Variants in GALNT2 observed in about 807,000 individuals in gnomAD.
GALNT2 encodes polypeptide N-acetylgalactosaminyltransferase 2, also known as UDP-GalNAc:polypeptide N-acetylgalactosaminyltransferase 2.
In GALNT2, 31 loss-of-function variants were observed where a neutral mutation model predicts 81.4. The observed-to-expected ratio is 0.38, with a 90% CI of 0.29 to 0.51. The LOEUF (loss-of-function observed/expected upper bound fraction) is 0.51, where lower values mean the gene tolerates loss of function less well. Ranked by LOEUF, GALNT2 falls within the 20% of genes least tolerant of loss-of-function variation. The pLI, the probability that GALNT2 is intolerant of heterozygous loss-of-function variation, is 0.87. For missense variants in GALNT2, 629 were observed against 765.7 expected, an observed-to-expected ratio of 0.82 and a Z score of 2.11; for synonymous variants, 303 against 287.4, an observed-to-expected ratio of 1.05 and a Z score of -0.55.
Position 230,093,249 on chromosome 1 carries a change from C to T in GALNT2, c.126+25843C>T, listed in dbSNP as rs1660146966. 2.0e-5 allele frequency among the ~76,000 whole-genome samples: 3 copies of T among 152,300 alleles called. No homozygotes were observed. The South Asian group carries it at 6.2e-4, about 32-fold the overall frequency. ...TGAGAGAGAGAAACATTTTCTTAGCCTTCAAGCTTGATAAGAATCTAGTGG... is the reference window on the plus strand; with the variant it reads ...TGAGAGAGAGAAACATTTTCTTAGCTTTCAAGCTTGATAAGAATCTAGTGG... On this transcript the variant is annotated intron_variant, in intron 1 of 15. Transcript: ENST00000366672.
intron 1 of GALNT2, among the ~76,000 whole-genome samples, chr1:230,154,522 A>G (rs1419281162): frequency 1.3e-5 from 2 of 152,226 alleles, no homozygotes; most frequent in Non-Finnish European, 2.9e-5. Context: ...CCTAACCCCC[A>G]GGACCTCAGA....
At chr1:230,169,199 T>G (rs2102855402) in intron 1 of GALNT2, among the ~76,000 whole-genome samples, 1 of 152,324 alleles carries the variant, frequency 6.6e-6, no homozygotes, top group South Asian at 2.1e-4. Flanking sequence ...GAATAGTAAC[T>G]GGAAGAGGAG....
intron 2 of GALNT2, among the ~76,000 whole-genome samples, chr1:230,187,844 C>T (rs1663384199): frequency 6.6e-6 from 1 of 151,986 alleles, no homozygotes; most frequent in Non-Finnish European, 1.5e-5. Flanking sequence ...TCAAGCTGTC[C>T]CTCTGAAATC....
At chr1:230,215,313 C>T (rs1452717394) in intron 3 of GALNT2, among the ~76,000 whole-genome samples, 1 of 152,216 alleles carries the variant, frequency 6.6e-6, no homozygotes, top group African/African-American at 2.4e-5. Context: ...TCGGCTCAGT[C>T]GGCCGTTTGG....
upstream of GALNT2, among the ~76,000 whole-genome samples, chr1:230,064,921 G>A (rs1183986357): frequency 6.6e-6 from 1 of 152,148 alleles, no homozygotes; most frequent in Non-Finnish European, 1.5e-5. Flanking sequence ...TAAGCAATTT[G>A]ATCTTTTTTG....
intron 6 of GALNT2, among the ~76,000 whole-genome samples, chr1:230,240,420 C>T (rs968772985): frequency 3.3e-5 from 5 of 152,260 alleles, no homozygotes; most frequent in East Asian, 3.9e-4. Context: ...GGTGAAACCC[C>T]GTCTTTACTA....
intron 6 of GALNT2, among the ~76,000 whole-genome samples, chr1:230,237,440 T>A (rs1665065554): frequency 6.6e-6 from 1 of 152,206 alleles, no homozygotes; most frequent in Admixed American, 6.5e-5. Flanking sequence ...TTGGAACCCA[T>A]GCCACATTTG....
At chr1:230,136,540 GAGCCAC>G (rs1661549398) in intron 1 of GALNT2, among the ~76,000 whole-genome samples, 1 of 152,154 alleles carries the variant, frequency 6.6e-6, no homozygotes, top group Non-Finnish European at 1.5e-5. Flanking sequence ...CCCCCATCCA[GAGCCAC>G]AGCCTGCCCT....
At position 230,164,031 on chromosome 1, in the gene GALNT2, G is replaced by C. The variant is rs1039485939; in HGVS notation, c.127-14187G>C. Among the ~76,000 whole-genome samples, 38 of 152,072 alleles carry C rather than the reference G, an allele frequency of 2.5e-4. 1 individual carries two copies. On this transcript the variant is annotated intron_variant, in intron 1 of 15. Coordinates refer to ENST00000366672, the MANE Select transcript of GALNT2 (RefSeq NM_004481.5). ...CTCTTGACTTTGTTTTTTTTGGGAGGGTCTCAGTTTTGTCATCTTTTTTTT... is the reference window on the plus strand; with the variant it reads ...CTCTTGACTTTGTTTTTTTTGGGAGCGTCTCAGTTTTGTCATCTTTTTTTT...
At chr1:230,270,259 G>C (rs902257860) in intron 14 of GALNT2, among the ~76,000 whole-genome samples, 7 of 152,142 alleles carry the variant, frequency 4.6e-5, no homozygotes, top group African/African-American at 9.7e-5. Flanking sequence ...TTTTCTAGTG[G>C]AAAGATGAAC....
At chr1:230,066,970 G>A (rs949970007), upstream of GALNT2, among the ~76,000 whole-genome samples, 22 of 149,658 alleles carry the variant, frequency 1.5e-4, no homozygotes, top group Non-Finnish European at 2.5e-4. Context: ...TGGAGACGCG[G>A]CAGTCCCCTC....
At chr1:230,244,847 G>A (rs1490572997) in intron 7 of GALNT2, among the ~76,000 whole-genome samples, 1 of 151,918 alleles carries the variant, frequency 6.6e-6, no homozygotes, top group Non-Finnish European at 1.5e-5. Flanking sequence ...GAGCTTTGCA[G>A]TGTTTGCGTG....
chr1:230,112,489 T>C (rs1222348038), intron 1 of GALNT2, among the ~76,000 whole-genome samples: 2 of 152,016 alleles, frequency 1.3e-5, no homozygotes, highest in Non-Finnish European at 2.9e-5. Flanking sequence ...CTGACAGAGA[T>C]GCACACAGCT....
intron 1 of GALNT2, among the ~76,000 whole-genome samples, chr1:230,117,384 C>G (rs1410706411): frequency 1.3e-5 from 2 of 152,240 alleles, no homozygotes; most frequent in African/African-American, 4.8e-5. Context: ...TTTTAATTTC[C>G]TTCAAGAACT....
intron 13 of GALNT2, 48 bp from the exon 14 acceptor site, chr1:230,265,193 C>T: frequency 6.2e-7 from 1 of 1,612,138 alleles, no homozygotes; most frequent in Non-Finnish European, 8.5e-7. Context: ...TGGACGGGAG[C>T]TGGTGGTCAT....
intron 6 of GALNT2, among the ~76,000 whole-genome samples, chr1:230,237,763 C>T (rs1367932191): frequency 6.6e-6 from 1 of 151,980 alleles, no homozygotes; most frequent in African/African-American, 2.4e-5. Context: ...ATTTGCTGCC[C>T]CCTAAACACC....
At chr1:230,163,975 G>A (rs1002024301) in intron 1 of GALNT2, among the ~76,000 whole-genome samples, 4 of 152,238 alleles carry the variant, frequency 2.6e-5, no homozygotes, top group Non-Finnish European at 5.9e-5. Context: ...AGCCTGATGT[G>A]ACACTGGATA....
chr1:230,255,609 A>T (rs1665687606), intron 11 of GALNT2, among the ~76,000 whole-genome samples: 1 of 152,148 alleles, frequency 6.6e-6, no homozygotes, highest in Non-Finnish European at 1.5e-5. Context: ...AGCTTTAGGG[A>T]TGGGGCCAGA....
chr1:230,154,466 C>G (rs1216659343), intron 1 of GALNT2, among the ~76,000 whole-genome samples: 6 of 152,222 alleles, frequency 3.9e-5, no homozygotes, highest in Admixed American at 3.9e-4. Context: ...TCTGCCCCTT[C>G]TGAGAAATTT....
Sources: allele counts gnomAD v4.1 joint callset (sites outside exome capture counted in the v4.1 genomes callset), GRCh38; gene constraint gnomAD v4.1.1; transcripts MANE v1.5; gene names NCBI Gene and HGNC (gene_info 2026-07-23, HGNC 2026-07-21).